SCN7A: variants seen among roughly 807,000 people sequenced by gnomAD.
SCN7A encodes the protein sodium channel protein type 7 subunit alpha.
SCN7A carries 138 observed loss-of-function variants against 155.2 expected under a neutral mutation model. The observed-to-expected ratio is 0.89, with a 90% CI of 0.77 to 1.02. The LOEUF is 1.02. Among genes scored for constraint, SCN7A ranks in the 50% least tolerant of loss-of-function variants. SCN7A has a pLI of 0.00. For synonymous variants in SCN7A, 693 were observed against 649.0 expected (o/e 1.07, Z -1.03); for missense variants, 2,058 against 1,986.6 (o/e 1.04, Z -0.68).
Position 166,459,751 on chromosome 2 carries a change from A to G in SCN7A, c.1083+2638T>C, listed in dbSNP as rs534149099. ...CCAATGCCCATCAACGTTAAACTGG[A>G]TAAAGAAAATGTGGCACATATACAC... On this transcript the variant is annotated intron_variant, in intron 10 of 25. Transcript: ENST00000643258. Among the ~76,000 whole-genome samples the G allele has an allele frequency of 2.1e-4, 32 of 152,322 alleles. No individual in the cohort carries two copies. The South Asian group carries it at 3.5e-3, about 17-fold the overall frequency.
chr2:166,434,547 A>C (rs547636640), intron 15 of SCN7A, among the ~76,000 whole-genome samples: 1 of 152,302 alleles, frequency 6.6e-6, no homozygotes, highest in Admixed American at 6.5e-5. Context: ...TAATCTATGT[A>C]ACCTTTGATC....
At chr2:166,410,188 T>C in intron 24 of SCN7A, 32 bp downstream of exon 24, 1 of 1,446,478 alleles carries the variant, frequency 6.9e-7, no homozygotes, top group Admixed American at 2.3e-5. Context: ...ACACCTCCAT[T>C]GAAGTTTCAA....
Position 166,432,379 on chromosome 2 carries a change from T to A in SCN7A, c.2531A>T (p.Asp844Val), listed in dbSNP as rs1408965124. ...ETVPIASGES[D>V]IENLDNKEIQ... ...CTCCTTATTATCCAGATTTTCTATA[T>A]CAGATTCTCCTGAAGCAATTGGTAC... Residue 844 changes from aspartate (D) to valine (V), a missense_variant, in exon 16 of 26, where the codon GAT becomes GTT. Coordinates refer to ENST00000643258, the MANE Select transcript of SCN7A (RefSeq NM_002976.4). 1.2e-6 allele frequency: 2 copies of A among 1,613,164 alleles called. No homozygotes were observed. Among genetic ancestry groups the A allele is most frequent in the Non-Finnish European group, 1.7e-6 (2 of 1,179,492 alleles).
At chr2:166,416,517 A>T (rs1701380787) in intron 21 of SCN7A, among the ~76,000 whole-genome samples, 190 bp downstream of exon 21, 1 of 152,176 alleles carries the variant, frequency 6.6e-6, no homozygotes, top group South Asian at 2.1e-4. Flanking sequence ...CTTACGGAAA[A>T]TAGAAAGAAC....
rs1305185367 is a variant in SCN7A at position 166,411,544 on chromosome 2, T to C, written c.3606+986A>G. ...ACTTAAGGCAAGAAAAAAAAACATA[T>C]GCTGAGGTTGCTAAATCTATGGTAT... On this transcript the variant is annotated intron_variant, in intron 23 of 25. Transcript: ENST00000643258. 6.6e-5 allele frequency among the ~76,000 whole-genome samples: 10 copies of C among 152,072 alleles called. No homozygotes were observed. The East Asian group carries it at 1.7e-3, about 27-fold the overall frequency.
rs990205470 is a variant in SCN7A at position 166,404,878 on chromosome 2, G to T, written c.*702C>A. ...CTCTCCTTTATGCTTCTTGTTTTAC[G>T]AATCTGTCCTGCTTAAGAGCCAGAG... is the stretch of plus-strand genomic sequence containing the variant. On this transcript the variant is annotated 3_prime_UTR_variant, in exon 26 of 26. Coordinates refer to ENST00000643258, the MANE Select transcript of SCN7A (RefSeq NM_002976.4). 4.9e-5 allele frequency: 7 copies of T among 143,314 alleles called. No homozygotes were observed. Among genetic ancestry groups the T allele is most frequent in the African/African-American group, 1.8e-4 (7 of 38,838 alleles). 8.9% of individuals were successfully genotyped at this position (143,314 alleles called of 1,614,324 possible).
In SCN7A at chr2:166,430,083, T is replaced by C. The variant is rs369429257; in HGVS notation, c.2593-809A>G. Reference sequence around the variant, plus strand: ...ATAGCATATAAGTAATATTTTCTAATTAAAACAAAAATTAAGGCAAGCGCA... The same window carrying C: ...ATAGCATATAAGTAATATTTTCTAACTAAAACAAAAATTAAGGCAAGCGCA... On this transcript the variant is annotated intron_variant, in intron 16 of 25. Transcript: ENST00000643258. 3.0e-4 allele frequency among the ~76,000 whole-genome samples: 46 copies of C among 152,142 alleles called. 2 individuals carry two copies. The South Asian group carries it at 9.3e-3, about 31-fold the overall frequency.
intron 18 of SCN7A, among the ~76,000 whole-genome samples, chr2:166,426,469 C>T (rs1170956828): frequency 1.3e-5 from 2 of 151,938 alleles, no homozygotes; most frequent in East Asian, 3.9e-4. Context: ...AAAATTCAAG[C>T]TTAGATGTCA....
chr2:166,471,006 GAA>G (rs1702643340), intron 6 of SCN7A, among the ~76,000 whole-genome samples: 1 of 151,782 alleles, frequency 6.6e-6, no homozygotes, highest in South Asian at 2.1e-4. Context: ...TCTAATTACT[GAA>G]AAGATAGTTA....
At chr2:166,467,452 T>C (rs1702559370) in intron 7 of SCN7A, among the ~76,000 whole-genome samples, 1 of 148,480 alleles carries the variant, frequency 6.7e-6, no homozygotes, top group African/African-American at 2.5e-5. Context: ...AATATATGTC[T>C]GTGTTTATAT....
chr2:166,475,078 G>GTGTATATATATATATACGTATATA (rs1559125022), intron 3 of SCN7A, among the ~76,000 whole-genome samples: 5 of 91,244 alleles, frequency 5.5e-5, no homozygotes, highest in African/African-American at 1.6e-4. Context: ...TTTTATATTT[G>GTGTATATATATATATACGTATATA]TGTATATATA....
At chr2:166,452,599 T>C (rs935861152) in intron 11 of SCN7A, among the ~76,000 whole-genome samples, 1 of 152,200 alleles carries the variant, frequency 6.6e-6, no homozygotes, top group African/African-American at 2.4e-5. Context: ...TGGCAAATAT[T>C]TTTTAAAAAT....
intron 2 of SCN7A, among the ~76,000 whole-genome samples, chr2:166,481,785 G>C (rs544395296): frequency 1.6e-4 from 24 of 152,238 alleles, no homozygotes; most frequent in Admixed American, 5.2e-4. Flanking sequence ...AGTTGAGGTG[G>C]AAAAAACTCA....
At chr2:166,434,523 A>G (rs1420306197) in intron 15 of SCN7A, among the ~76,000 whole-genome samples, 1 of 152,180 alleles carries the variant, frequency 6.6e-6, no homozygotes, top group African/African-American at 2.4e-5. Flanking sequence ...AAAGAAATAA[A>G]GCAGACTTAG....
Position 166,465,806 on chromosome 2 carries a change from T to C in SCN7A, c.846A>G (p.Arg282=). 1.2e-6 allele frequency: 2 copies of C among 1,613,926 alleles called. No individual in the cohort carries two copies. The highest frequency in any genetic ancestry group is 8.5e-7 in the Non-Finnish European group (1 of 1,179,846). ...QENENETLHN[R]TGNPYYIRET... is the part of the protein sequence containing the mutation. Reference sequence around the variant, plus strand: ...CTCGAATATAATATGGGTTTCCAGTTCTGTTGTGCAGGGTTTCATTTTCAT... The same window carrying C: ...CTCGAATATAATATGGGTTTCCAGTCCTGTTGTGCAGGGTTTCATTTTCAT... Residue 282 remains arginine, a synonymous_variant, in exon 8 of 26, where the codon AGA becomes AGG. Transcript: ENST00000643258.
chr2:166,424,070 A>T (rs1191620046), intron 18 of SCN7A, among the ~76,000 whole-genome samples: 1 of 152,094 alleles, frequency 6.6e-6, no homozygotes, highest in Non-Finnish European at 1.5e-5. Flanking sequence ...CAATATACAT[A>T]AGAGGACAAA....
intron 19 of SCN7A, among the ~76,000 whole-genome samples, chr2:166,422,093 G>T (rs772049221): frequency 5.3e-5 from 8 of 152,146 alleles, no homozygotes; most frequent in Admixed American, 2.6e-4. Flanking sequence ...GGCATAGTAT[G>T]ATTTGGCTAG....
rs59915116 is a variant in SCN7A, at chr2:166,433,315, C to A, written c.2158-563G>T. On this transcript the variant is annotated intron_variant, in intron 15 of 25. Transcript: ENST00000643258. ...TTACCTTGTACACCATAAATACATA[C>A]AATTTTATACATTAACTTAAAAAAT... Among the ~76,000 whole-genome samples, 800 of 152,152 alleles carry A rather than the reference C, an allele frequency of 5.3e-3. 43 individuals carry two copies. The East Asian group carries it at 0.12, about 22-fold the overall frequency.
intron 12 of SCN7A, among the ~76,000 whole-genome samples, chr2:166,446,198 A>G (rs1032874810): frequency 2.0e-5 from 3 of 152,128 alleles, no homozygotes; most frequent in Non-Finnish European, 4.4e-5. Flanking sequence ...CCCCATCAAA[A>G]AGTGGGCGAA....
Sources: gnomAD v4.1 joint callset for allele counts (sites outside exome capture counted in the v4.1 genomes callset) on GRCh38, gnomAD v4.1.1 for gene constraint, MANE v1.5 for transcripts, NCBI Gene and HGNC (gene_info 2026-07-23, HGNC 2026-07-21) for gene names.